FOXN3: variants seen among roughly 807,000 people sequenced by gnomAD.
FOXN3 encodes the protein forkhead box protein N3.
FOXN3 carries 7 observed loss-of-function variants against 38.4 expected under a neutral mutation model. The ratio of observed to expected loss-of-function variants is 0.18; its 90% CI spans 0.10 to 0.34. FOXN3 has a LOEUF of 0.34. FOXN3 is among the 10% of genes least tolerant of loss of function. The pLI, the probability that FOXN3 is intolerant of heterozygous loss-of-function variation, is 1.00. For synonymous variants in FOXN3, 230 were observed against 242.2 expected (o/e 0.95, Z 0.47); for missense variants, 456 against 613.4 (o/e 0.74, Z 2.71).
intron 4 of FOXN3, among the ~76,000 whole-genome samples, chr14:89,251,182 A>T (rs980259508): frequency 6.6e-6 from 1 of 152,162 alleles, no homozygotes; most frequent in African/African-American, 2.4e-5. Context: ...AGAAGGTGGC[A>T]TTTCCTCCTT....
At chr14:89,593,507 T>C (rs1413387299) in intron 1 of FOXN3, among the ~76,000 whole-genome samples, 4 of 152,110 alleles carry the variant, frequency 2.6e-5, no homozygotes, top group African/African-American at 9.7e-5. Flanking sequence ...GTCTCACTGA[T>C]GAATAGTGTT....
intron 2 of FOXN3, among the ~76,000 whole-genome samples, chr14:89,400,680 C>T (rs949471701): frequency 1.3e-5 from 2 of 152,140 alleles, no homozygotes; most frequent in Non-Finnish European, 2.9e-5. Context: ...TAACTGCGAC[C>T]CCTCTTTCTG....
intron 1 of FOXN3, among the ~76,000 whole-genome samples, chr14:89,515,070 C>T (rs1013522961): frequency 1.3e-5 from 2 of 152,080 alleles, no homozygotes; most frequent in Admixed American, 6.5e-5. Flanking sequence ...CAAGCGCCCG[C>T]CACCACGTCC....
chr14:89,386,855 G>C (rs1890803169), intron 2 of FOXN3, among the ~76,000 whole-genome samples: 1 of 152,158 alleles, frequency 6.6e-6, no homozygotes, highest in Non-Finnish European at 1.5e-5. Flanking sequence ...TGAATAGAGT[G>C]ATCTCTCTTC....
At chr14:89,339,672 T>C (rs1205394938) in intron 3 of FOXN3, among the ~76,000 whole-genome samples, 1 of 152,200 alleles carries the variant, frequency 6.6e-6, no homozygotes, top group African/African-American at 2.4e-5. Context: ...CTTTGAGAGC[T>C]TCAGACTGTG....
chr14:89,468,774 G>A (rs555457504), intron 1 of FOXN3, among the ~76,000 whole-genome samples: 19 of 152,248 alleles, frequency 1.2e-4, no homozygotes, highest in African/African-American at 4.3e-4. Context: ...GAATATCGAG[G>A]TTGTATCCAG....
chr14:89,533,863 A>G lies in FOXN3; in HGVS notation c.-15+85165T>C, dbSNP rs1894628483. ...ATGTGGGGTTCTGGTGATCTGACCTATAACCAAGAATGTGGCTCTACTGTT... is the reference window on the plus strand; with the variant it reads ...ATGTGGGGTTCTGGTGATCTGACCTGTAACCAAGAATGTGGCTCTACTGTT... On this transcript the variant is annotated intron_variant, in intron 1 of 6. Coordinates refer to the FOXN3 transcript ENST00000345097. Among the ~76,000 whole-genome samples, 3 of 152,006 alleles carry G rather than the reference A, an allele frequency of 2.0e-5. No individual in the cohort carries two copies. The South Asian group carries it at 6.2e-4, about 32-fold the overall frequency.
At chr14:89,596,650 T>C (rs1365964684) in intron 1 of FOXN3, among the ~76,000 whole-genome samples, 1 of 152,172 alleles carries the variant, frequency 6.6e-6, no homozygotes. Context: ...AGTAAAACTA[T>C]CTGGATCTGA....
intron 1 of FOXN3, among the ~76,000 whole-genome samples, chr14:89,431,445 A>C (rs1892155008): frequency 6.6e-6 from 1 of 152,050 alleles, no homozygotes; most frequent in Non-Finnish European, 1.5e-5. Flanking sequence ...TCCTGACCTC[A>C]GGTGATCCAC....
chr14:89,433,284 C>A (rs534872217), intron 1 of FOXN3, among the ~76,000 whole-genome samples: 1 of 152,274 alleles, frequency 6.6e-6, no homozygotes, highest in East Asian at 1.9e-4. Context: ...GAGTTCAAGA[C>A]CAACCTGGCC....
At chr14:89,492,217 A>G (rs1893590514) in intron 1 of FOXN3, among the ~76,000 whole-genome samples, 1 of 152,168 alleles carries the variant, frequency 6.6e-6, no homozygotes, top group South Asian at 2.1e-4. Context: ...TACCAATGCT[A>G]TTTGGTCCCC....
intron 4 of FOXN3, among the ~76,000 whole-genome samples, chr14:89,251,370 C>A (rs917210758): frequency 2.6e-5 from 4 of 152,244 alleles, no homozygotes; most frequent in Non-Finnish European, 5.9e-5. Context: ...TCCCCTAATT[C>A]TGGTGCTTGG....
At chr14:89,497,923 G>GGT (rs1555357089) in intron 1 of FOXN3, among the ~76,000 whole-genome samples, 4 of 150,812 alleles carry the variant, frequency 2.7e-5, no homozygotes, top group African/African-American at 7.3e-5. Flanking sequence ...TGTTTGTTTG[G>GGT]TTTTTTTTTG....
chr14:89,560,805 T>G (rs960965732), intron 1 of FOXN3, among the ~76,000 whole-genome samples: 1 of 152,138 alleles, frequency 6.6e-6, no homozygotes, highest in Non-Finnish European at 1.5e-5. Flanking sequence ...GTCACTAACA[T>G]CCTCAAGGAA....
intron 3 of FOXN3, among the ~76,000 whole-genome samples, chr14:89,345,707 T>A (rs572465156): frequency 6.6e-6 from 1 of 152,212 alleles, no homozygotes; most frequent in African/African-American, 2.4e-5. Context: ...CACCCACTTA[T>A]AAGTGAGAAC....
chr14:89,339,323 G>A (rs184144475), intron 3 of FOXN3, among the ~76,000 whole-genome samples: 2 of 152,236 alleles, frequency 1.3e-5, no homozygotes, highest in East Asian at 3.9e-4. Flanking sequence ...GAGGCTCAGG[G>A]ACCAGAGGCT....
intron 1 of FOXN3, among the ~76,000 whole-genome samples, chr14:89,431,859 C>T (rs572315354): frequency 5.3e-5 from 8 of 152,208 alleles, no homozygotes; most frequent in Non-Finnish European, 7.4e-5. Flanking sequence ...GGATTACAGG[C>T]GCCCGCCACC....
chr14:89,234,984 C>T (rs1018833637), intron 4 of FOXN3, among the ~76,000 whole-genome samples: 1 of 152,204 alleles, frequency 6.6e-6, no homozygotes, highest in Non-Finnish European at 1.5e-5. Context: ...AAGTCACCTG[C>T]CTCTGACCTT....
intron 1 of FOXN3, among the ~76,000 whole-genome samples, chr14:89,431,598 G>GT (rs929764214): frequency 1.3e-5 from 2 of 152,094 alleles, no homozygotes; most frequent in Non-Finnish European, 2.9e-5. Context: ...GTTTGTTTTT[G>GT]TTTTTTTATT....
Sources: allele counts gnomAD v4.1 joint callset (sites outside exome capture counted in the v4.1 genomes callset), GRCh38; gene constraint gnomAD v4.1.1; transcripts MANE v1.5; gene names NCBI Gene and HGNC (gene_info 2026-07-23, HGNC 2026-07-21).